TBPL1: variants seen among roughly 807,000 people sequenced by gnomAD.
TBPL1 encodes the protein TATA-box binding protein like 1, also known as TATA box-binding protein-like 1.
A neutral mutation model predicts 22.1 loss-of-function variants in TBPL1; 4 were observed. That is an observed-to-expected ratio of 0.18 (90% CI 0.09 to 0.41). TBPL1 has a LOEUF of 0.41. Ranked by LOEUF, TBPL1 falls within the 10% of genes least tolerant of loss-of-function variation. The pLI, the probability that TBPL1 is intolerant of heterozygous loss-of-function variation, is 1.00. For synonymous variants in TBPL1, 64 were observed against 71.0 expected (o/e 0.90, Z 0.50); for missense variants, 115 against 222.3 (o/e 0.52, Z 3.07).
intron 1 of TBPL1, among the ~76,000 whole-genome samples, chr6:133,956,131 T>C (rs1473496361): frequency 2.0e-5 from 3 of 152,222 alleles, no homozygotes; most frequent in Non-Finnish European, 4.4e-5. Context: ...TTCCTTCTGT[T>C]TCATCATAGA....
At chr6:133,962,406 C>G (rs1776040151) in intron 1 of TBPL1, among the ~76,000 whole-genome samples, 1 of 151,984 alleles carries the variant, frequency 6.6e-6, no homozygotes, top group South Asian at 2.1e-4. Context: ...GCTTTGGATG[C>G]AGAAAAGAAG....
In TBPL1 at chr6:133,961,470, T is replaced by C. The variant is rs1045205681; in HGVS notation, c.-45+8045T>C. ...CTTTTTAAGATTCTTTCTTTCTTTT[T>C]TTTTTTTTTTTTTTTTGAGACGGAG... On this transcript the variant is annotated intron_variant, in intron 1 of 6. Coordinates refer to ENST00000237264, the MANE Select transcript of TBPL1 (RefSeq NM_004865.4). 1.3e-3 allele frequency among the ~76,000 whole-genome samples: 189 copies of C among 145,404 alleles called. 1 individual carries two copies. Among genetic ancestry groups the C allele is most frequent in the Middle Eastern group, 3.5e-3 (1 of 286 alleles).
intron 1 of TBPL1, among the ~76,000 whole-genome samples, chr6:133,965,896 T>G (rs1288561689): frequency 6.6e-6 from 1 of 152,178 alleles, no homozygotes; most frequent in Non-Finnish European, 1.5e-5. Context: ...GCCAAGCGCT[T>G]TATATGAAAT....
intron 4 of TBPL1, among the ~76,000 whole-genome samples, chr6:133,983,633 T>C (rs539120829): frequency 6.6e-6 from 1 of 152,304 alleles, no homozygotes; most frequent in South Asian, 2.1e-4. Flanking sequence ...GCTGCCACTT[T>C]GCGGTTTCCT....
At chr6:133,981,331 A>AGT (rs1776409957) in intron 2 of TBPL1, among the ~76,000 whole-genome samples, 2 of 152,334 alleles carry the variant, frequency 1.3e-5, no homozygotes, top group African/African-American at 4.8e-5. Flanking sequence ...TAAAAATTTC[A>AGT]GTGACTCACA....
chr6:133,957,670 C>T (rs1775950528), intron 1 of TBPL1, among the ~76,000 whole-genome samples: 1 of 152,188 alleles, frequency 6.6e-6, no homozygotes, highest in Admixed American at 6.5e-5. Flanking sequence ...TGCAGGCAGC[C>T]TGTGTTCAGC....
intron 4 of TBPL1, 118 bp from the exon 5 acceptor site, chr6:133,984,258 A>T: frequency 1.4e-6 from 1 of 722,050 alleles, no homozygotes; most frequent in Non-Finnish European, 2.3e-6. Flanking sequence ...CTAAACATAC[A>T]CTTAAAATGT....
intron 1 of TBPL1, among the ~76,000 whole-genome samples, chr6:133,956,244 G>A (rs1458122485): frequency 6.6e-6 from 1 of 152,156 alleles, no homozygotes; most frequent in Non-Finnish European, 1.5e-5. Context: ...AAAATCTCTG[G>A]TGTTTTCAAA....
intron 1 of TBPL1, among the ~76,000 whole-genome samples, chr6:133,972,914 A>G (rs1280986095): frequency 1.3e-5 from 2 of 152,180 alleles, no homozygotes; most frequent in African/African-American, 4.8e-5. Context: ...CAATTTATAG[A>G]TGAGAAAATG....
intron 1 of TBPL1, among the ~76,000 whole-genome samples, chr6:133,956,447 C>G (rs541452529): frequency 3.9e-5 from 6 of 152,252 alleles, no homozygotes; most frequent in African/African-American, 1.4e-4. Context: ...ATGACAGACA[C>G]AAATATGAAT....
intron 1 of TBPL1, among the ~76,000 whole-genome samples, chr6:133,962,801 T>A (rs1404386317): frequency 1.3e-5 from 2 of 152,188 alleles, no homozygotes; most frequent in African/African-American, 4.8e-5. Flanking sequence ...AGGTACAGAT[T>A]AGTGTGTATA....
In TBPL1 at chr6:133,987,453, T is replaced by C. The variant is rs1198703196; in HGVS notation, c.*413T>C. On this transcript the variant is annotated 3_prime_UTR_variant, in exon 7 of 7. Coordinates refer to ENST00000237264, the MANE Select transcript of TBPL1 (RefSeq NM_004865.4). The stretch of plus-strand genomic sequence containing the variant: ...CCAAAGAACCTGTAAAAGTTATCTT[T>C]TTCAATTGAATGTGCACAAATAAAA... 6.5e-6 allele frequency: 1 copy of C among 152,822 alleles called. No individual in the cohort carries two copies. Among genetic ancestry groups the C allele is most frequent in the East Asian group, 1.9e-4 (1 of 5,214 alleles). 9.5% of individuals were successfully genotyped at this position (152,822 alleles called of 1,614,324 possible).
At chr6:133,966,030 T>G (rs1776111885) in intron 1 of TBPL1, among the ~76,000 whole-genome samples, 1 of 152,188 alleles carries the variant, frequency 6.6e-6, no homozygotes, top group African/African-American at 2.4e-5. Flanking sequence ...AGTCTAGATT[T>G]AACCCAAGCA....
intron 1 of TBPL1, among the ~76,000 whole-genome samples, chr6:133,973,566 C>G (rs1400676929): frequency 6.6e-6 from 1 of 152,060 alleles, no homozygotes; most frequent in Non-Finnish European, 1.5e-5. Flanking sequence ...GTCGTAAAAG[C>G]CAGAAGGTGG....
intron 1 of TBPL1, among the ~76,000 whole-genome samples, chr6:133,972,102 GA>G (rs1389251855): frequency 6.6e-6 from 1 of 152,164 alleles, no homozygotes; most frequent in African/African-American, 2.4e-5. Context: ...AGAGTCATCT[GA>G]AATTGTATCT....
chr6:133,967,495 T>G (rs1227802830), intron 1 of TBPL1, among the ~76,000 whole-genome samples: 1 of 152,226 alleles, frequency 6.6e-6, no homozygotes, highest in Non-Finnish European at 1.5e-5. Flanking sequence ...GGATGTGTCC[T>G]GAGAAGTGAG....
rs530593443 is a variant in TBPL1 at position 133,980,013 on chromosome 6, A to G, written c.-44-69A>G. Reference sequence around the variant, plus strand: ...ATATAGATTCATTTTTTACATTTCAATTTCAAAATTGTGAAAAGTGAATTA... The same window carrying G: ...ATATAGATTCATTTTTTACATTTCAGTTTCAAAATTGTGAAAAGTGAATTA... On this transcript the variant is annotated intron_variant, in intron 1 of 6. Coordinates refer to ENST00000237264, the MANE Select transcript of TBPL1 (RefSeq NM_004865.4). The G allele has an allele frequency of 3.4e-5, 39 of 1,159,366 alleles. No individual in the cohort carries two copies. In the East Asian group the frequency reaches 9.1e-4, roughly 27 times the overall value. The allele number at this position is 1,159,366 out of a possible 1,614,324, so 71.8% of individuals were successfully genotyped here.
chr6:133,958,136 C>T (rs528836870), intron 1 of TBPL1, among the ~76,000 whole-genome samples: 9 of 152,298 alleles, frequency 5.9e-5, no homozygotes, highest in Non-Finnish European at 1.2e-4. Context: ...AAAGGAAGGC[C>T]GACAAAGCCT....
chr6:133,970,966 T>C (rs1472254390), intron 1 of TBPL1, among the ~76,000 whole-genome samples: 2 of 152,150 alleles, frequency 1.3e-5, no homozygotes, highest in Non-Finnish European at 2.9e-5. Flanking sequence ...AAGCCTCTCT[T>C]CTAGCTATTT....
Sources: allele counts gnomAD v4.1 joint callset (sites outside exome capture counted in the v4.1 genomes callset), GRCh38; gene constraint gnomAD v4.1.1; transcripts MANE v1.5; gene names NCBI Gene and HGNC (gene_info 2026-07-23, HGNC 2026-07-21).